ATG2B: variants seen among roughly 807,000 people sequenced by gnomAD.
ATG2B encodes autophagy related 2B.
In ATG2B, 121 loss-of-function variants were observed where a neutral mutation model predicts 241.3. The observed-to-expected ratio is 0.50, with a 90% CI of 0.43 to 0.58. The LOEUF is 0.58. ATG2B is among the 20% of genes least tolerant of loss of function. The pLI is 0.00. For synonymous variants in ATG2B, 858 were observed against 876.6 expected, an observed-to-expected ratio of 0.98 and a Z score of 0.37; for missense variants, 2,306 against 2,491.6, an observed-to-expected ratio of 0.93 and a Z score of 1.59.
intron 34 of ATG2B, among the ~76,000 whole-genome samples, chr14:96,297,055 G>A (rs934481803): frequency 5.3e-5 from 8 of 151,884 alleles, no homozygotes; most frequent in African/African-American, 1.5e-4. Context: ...TTCATGAATT[G>A]TTCATTATAT....
intron 15 of ATG2B, 57 bp from the exon 16 acceptor site, chr14:96,324,055 G>T: frequency 8.7e-7 from 1 of 1,153,296 alleles, no homozygotes; most frequent in Non-Finnish European, 1.3e-6. Context: ...TAAAAGAAGA[G>T]ATGGAGGAGC....
intron 14 of ATG2B, 106 bp from the exon 15 acceptor site, chr14:96,326,028 T>C (rs1359877748): frequency 6.4e-6 from 7 of 1,092,126 alleles, no homozygotes. Context: ...CCCCATTTGG[T>C]ATAATGCATT....
chr14:96,333,363 T>C (rs1887788820), intron 8 of ATG2B, among the ~76,000 whole-genome samples: 1 of 152,164 alleles, frequency 6.6e-6, no homozygotes. Flanking sequence ...CATGAGCACA[T>C]AATAATTTGA....
Position 96,283,720 on chromosome 14 carries a change from T to C in ATG2B, c.*2035A>G, listed in dbSNP as rs1886262721. The C allele has an allele frequency of 6.6e-6, 1 of 152,200 alleles. No individual in the cohort carries two copies. The highest frequency in any genetic ancestry group is 6.5e-5 in the Admixed American group (1 of 15,284). 9.4% of individuals were successfully genotyped at this position (152,200 alleles called of 1,614,324 possible). ...GAAAAAGCTTAAGGACATTTAATAA[T>C]GTAGAAGTGTTCCGATATAGATAAA... is the stretch of plus-strand genomic sequence containing the variant. On this transcript the variant is annotated 3_prime_UTR_variant, in exon 42 of 42. Coordinates refer to ENST00000359933, the MANE Select transcript of ATG2B (RefSeq NM_018036.7).
chr14:96,294,644 C>T (rs1886580520), intron 36 of ATG2B, among the ~76,000 whole-genome samples: 3 of 152,172 alleles, frequency 2.0e-5, no homozygotes. Context: ...GGATGATATC[C>T]TGCTGGGCTG....
In ATG2B at chr14:96,311,199, A is replaced by G. The variant is rs147079514; in HGVS notation, c.4079T>C (p.Ile1360Thr). The G allele has an allele frequency of 5.0e-4, 808 of 1,613,952 alleles. 4 individuals carry two copies. Among genetic ancestry groups the G allele is most frequent in the Middle Eastern group, 1.6e-4 (1 of 6,084 alleles). The change falls in exon 28 of 42, where the codon ATT becomes ACT. Residue 1360 changes from isoleucine to threonine, a missense_variant. Transcript: ENST00000359933. ...GTCACCATAGCTTGCAATGTACTGA[A>G]TGAGATTCATTAACGCAGCACAAGA... ...SDSCAALMNLIQYIASYGDLQ... is the reference protein window; with the variant it reads ...SDSCAALMNLTQYIASYGDLQ...
intron 1 of ATG2B, among the ~76,000 whole-genome samples, chr14:96,362,217 G>T (rs76541753): frequency 0.052 from 7,886 of 152,090 alleles, 270 homozygotes; most frequent in Non-Finnish European, 0.072. Context: ...GCACTACTAG[G>T]GCCAGACGAC....
chr14:96,328,721 C>T lies in ATG2B; in HGVS notation c.1927G>A (p.Val643Met), dbSNP rs1887651878. The change falls in exon 13 of 42, where the codon GTG becomes ATG. Residue 643 changes from valine (V) to methionine (M), a missense_variant. Physicochemically the swap from Val to Met is conservative, Grantham distance 21. Coordinates refer to ENST00000359933, the MANE Select transcript of ATG2B (RefSeq NM_018036.7). ...SKEETGSHSPVCLQLHYKHSE... is the reference protein window; with the variant it reads ...SKEETGSHSPMCLQLHYKHSE... ...TGCTTATAATGAAGCTGAAGACACACAGGGGAATGGGAACCAGTTTCTTCT... is the reference window on the plus strand; with the variant it reads ...TGCTTATAATGAAGCTGAAGACACATAGGGGAATGGGAACCAGTTTCTTCT... 6.2e-7 allele frequency: 1 copy of T among 1,612,326 alleles called. No homozygotes were observed. Among genetic ancestry groups the T allele is most frequent in the Admixed American group, 1.7e-5 (1 of 59,842 alleles).
Position 96,333,675 on chromosome 14 carries a change from T to G in ATG2B, c.1207+13A>C. 1 of 1,609,552 alleles carries G rather than the reference T, an allele frequency of 6.2e-7. No individual in the cohort carries two copies. Among genetic ancestry groups the G allele is most frequent in the Non-Finnish European group, 8.5e-7 (1 of 1,177,936 alleles). On this transcript the variant is annotated intron_variant, in intron 8 of 41. Transcript: ENST00000359933. ...AATATATGATTCTGGTGTCAACAGT[T>G]TGAGTTGCTTACCACGGCTAGAAGG...
intron 34 of ATG2B, among the ~76,000 whole-genome samples, chr14:96,298,316 A>C (rs895604501): frequency 2.6e-5 from 4 of 152,230 alleles, no homozygotes; most frequent in African/African-American, 9.6e-5. Flanking sequence ...TCTCATGGCT[A>C]TTGGTGGGAA....
In ATG2B at chr14:96,315,538, C is replaced by A; in HGVS notation, c.3407G>T (p.Ser1136Ile). The change falls in exon 22 of 42, where the codon AGC becomes ATC. Residue 1136 changes from serine (S) to isoleucine (I), a missense_variant. By Grantham distance (142) the Ser-to-Ile change is moderately radical (BLOSUM62 -2). Transcript: ENST00000359933. ...TTCCAACCAGTGTGGGCGGGTTGAG[C>A]TGGGAAGTCGTGTTTCTGTCGGGAG... ...VILPTETRLP[S>I]STRPHWLEPT... 5.0e-6 allele frequency: 8 copies of A among 1,614,076 alleles called. No individual in the cohort carries two copies. Among genetic ancestry groups the A allele is most frequent in the Non-Finnish European group, 6.8e-6 (8 of 1,179,974 alleles).
Position 96,347,275 on chromosome 14 carries a change from T to C in ATG2B, c.229A>G (p.Ile77Val), listed in dbSNP as rs776708777. 7 of 1,611,690 alleles carry C rather than the reference T, an allele frequency of 4.3e-6. No individual in the cohort carries two copies. The Admixed American group carries it at 1.0e-4, about 23-fold the overall frequency. Reference sequence around the variant, plus strand: ...GAGCCCCATGGAACTGACAGGGAAATTGACTGAATGAATCCTTCAGTGACT... The same window carrying C: ...GAGCCCCATGGAACTGACAGGGAAACTGACTGAATGAATCCTTCAGTGACT... ...LEVTEGFIQS[I>V]SLSVPWGSLL... Residue 77 changes from isoleucine (I) to valine (V), a missense_variant, in exon 2 of 42, where the codon ATT (isoleucine) becomes GTT (valine). Physicochemically the swap from Ile to Val is conservative, Grantham distance 29. Around this residue, in one of 2 missense-constraint regions of ATG2B, gnomAD observed 1,927 missense variants for 2,011.2 expected, o/e 0.96. Coordinates refer to ENST00000359933, the MANE Select transcript of ATG2B (RefSeq NM_018036.7).
Position 96,328,343 on chromosome 14 carries a change from T to C in ATG2B, c.2163+4A>G. ...ATTAGTATTTGCAGCTTTTGAATAC[T>C]TACCAGACTAATATGTTTATTATAT... is the stretch of plus-strand genomic sequence containing the variant. On this transcript the variant is annotated splice_donor_region_variant and intron_variant, in intron 14 of 41. Transcript: ENST00000359933. 1 of 1,592,526 alleles carries C rather than the reference T, an allele frequency of 6.3e-7. No individual in the cohort carries two copies. Among genetic ancestry groups the C allele is most frequent in the African/African-American group, 1.3e-5 (1 of 74,336 alleles).
chr14:96,289,465 T>C lies in ATG2B; in HGVS notation c.6006+191A>G. The C allele has an allele frequency of 1.7e-6, 1 of 593,340 alleles. No individual in the cohort carries two copies. The highest frequency in any genetic ancestry group is 2.9e-6 in the Non-Finnish European group (1 of 340,626). The allele number at this position is 593,340 out of a possible 1,614,324, so 36.8% of individuals were successfully genotyped here. A position where few individuals can be genotyped will look rare whatever the true frequency, so the allele number is the denominator to read the frequency against. ...ACCCACGCAATCACTAGTATTCCTG[T>C]CAGCCTATTGGTCCCAGACTGGCCC... is the stretch of plus-strand genomic sequence containing the variant. On this transcript the variant is annotated intron_variant, in intron 41 of 41. Transcript: ENST00000359933. This position sits in a 1 kb window ranked among gnomAD's most constrained non-coding sequence, Gnocchi z 4.3.
intron 35 of ATG2B, 139 bp downstream of exon 35, chr14:96,295,343 C>T (rs373642725): frequency 1.9e-4 from 164 of 843,968 alleles, no homozygotes; most frequent in South Asian, 5.6e-4. Context: ...ACAGTATTCG[C>T]GAATCAACAA....
intron 34 of ATG2B, 28 bp from the exon 35 acceptor site, chr14:96,295,588 A>C (rs1886616145): frequency 5.6e-6 from 8 of 1,440,556 alleles, no homozygotes; most frequent in Non-Finnish European, 7.7e-6. Flanking sequence ...AATTTTAACT[A>C]AGGAAGAAAA....
At chr14:96,349,460 C>T (rs1888257263) in intron 1 of ATG2B, among the ~76,000 whole-genome samples, 1 of 152,110 alleles carries the variant, frequency 6.6e-6, no homozygotes, top group Non-Finnish European at 1.5e-5. Context: ...CTTCAGTTGC[C>T]ATGTACAGCA....
At chr14:96,317,472 TCAAA>T (rs1431775179) in intron 19 of ATG2B, among the ~76,000 whole-genome samples, 155 bp from the exon 20 acceptor site, 8 of 152,208 alleles carry the variant, frequency 5.3e-5, no homozygotes, top group African/African-American at 1.7e-4. Context: ...GCTTTGAACT[TCAAA>T]CAATGTGCAC....
chr14:96,317,270 C>T lies in ATG2B; in HGVS notation c.3085G>A (p.Val1029Ile), dbSNP rs1222399192. The T allele has an allele frequency of 6.8e-6, 11 of 1,613,586 alleles. No homozygotes were observed. Among genetic ancestry groups the T allele is most frequent in the Non-Finnish European group, 9.3e-6 (11 of 1,179,832 alleles). The change falls in exon 20 of 42, where the codon GTT becomes ATT. Residue 1029 changes from valine (V) to isoleucine (I), a missense_variant. Coordinates refer to ENST00000359933, the MANE Select transcript of ATG2B (RefSeq NM_018036.7). ...CTGCGAGAACGATAGTTGGGATCAA[C>T]AGTGGAAAAATACTGCAAAGTCTCC... The part of the protein sequence containing the change: ...EEETLQYFST[V>I]DPNYRSRRKK...
Sources: gnomAD v4.1 joint callset for allele counts (sites outside exome capture counted in the v4.1 genomes callset) on GRCh38, gnomAD v4.1.1 for gene constraint, gnomAD v4.1.1 regional missense constraint, Gnocchi (gnomAD v3.1) non-coding constraint, MANE v1.5 for transcripts, NCBI Gene and HGNC (gene_info 2026-07-23, HGNC 2026-07-21) for gene names.